SOX5: variants seen among roughly 807,000 people sequenced by gnomAD.
The protein encoded by SOX5 is transcription factor SOX-5.
Under a neutral mutation model 92.0 loss-of-function variants are expected in SOX5, and 9 were observed. The observed-to-expected ratio is 0.10, with a 90% CI of 0.06 to 0.17. The LOEUF (loss-of-function observed/expected upper bound fraction) is 0.17, where lower values mean the gene tolerates loss of function less well. SOX5 is among the 10% of genes least tolerant of loss of function. SOX5 has a pLI of 1.00. For missense variants in SOX5, 642 were observed against 944.5 expected (o/e 0.68, Z 4.20); for synonymous variants, 344 against 336.3 (o/e 1.02, Z -0.25).
chr12:23,977,554 T>A (rs962008786), intron 4 of SOX5, among the ~76,000 whole-genome samples: 3 of 151,880 alleles, frequency 2.0e-5, no homozygotes, highest in Admixed American at 6.6e-5. Flanking sequence ...TCCCAGCTAC[T>A]TGGGAGGCTG....
chr12:24,229,482 G>A (rs564975389), intron 3 of SOX5, among the ~76,000 whole-genome samples: 25 of 152,076 alleles, frequency 1.6e-4, no homozygotes, highest in Non-Finnish European at 8.8e-5. Flanking sequence ...CCATGGTCAG[G>A]AAAAGCAGAG....
intron 1 of SOX5, among the ~76,000 whole-genome samples, chr12:24,546,986 A>G (rs145247308): frequency 1.3e-5 from 2 of 152,216 alleles, no homozygotes; most frequent in African/African-American, 2.4e-5. Context: ...AGTAATCAGT[A>G]TATAATATGC....
intron 3 of SOX5, among the ~76,000 whole-genome samples, chr12:23,828,402 T>A (rs2096265708): frequency 6.6e-6 from 1 of 152,230 alleles, no homozygotes; most frequent in African/African-American, 2.4e-5. Context: ...TCTTTCTATA[T>A]CATTTTTTAA....
chr12:23,682,879 A>C (rs1003666831), intron 6 of SOX5, among the ~76,000 whole-genome samples: 1 of 151,906 alleles, frequency 6.6e-6, no homozygotes, highest in Non-Finnish European at 1.5e-5. Flanking sequence ...AAGCTACTTA[A>C]GTAGTTGAAT....
intron 3 of SOX5, among the ~76,000 whole-genome samples, chr12:23,835,171 G>C (rs2096392497): frequency 1.3e-5 from 2 of 151,832 alleles, no homozygotes; most frequent in African/African-American, 4.8e-5. Context: ...GCAAAATTAA[G>C]ATAGTCGGTT....
chr12:23,916,824 T>A (rs1367908008), intron 1 of SOX5, among the ~76,000 whole-genome samples: 1 of 152,176 alleles, frequency 6.6e-6, no homozygotes, highest in East Asian at 1.9e-4. Flanking sequence ...AAGTCTAGGT[T>A]TTAAATATTT....
Position 23,933,782 on chromosome 12 carries a change from C to T in SOX5, c.38+15782G>A, listed in dbSNP as rs1205606181. ...CCTGAGGAAAATTCTTGCTTTGTCT[C>T]TGTATACTCTTAAACCTGGAGCAAA... is the stretch of plus-strand genomic sequence containing the variant. On this transcript the variant is annotated intron_variant, in intron 1 of 14. Transcript: ENST00000451604. Among the ~76,000 whole-genome samples the T allele has an allele frequency of 2.6e-5, 4 of 151,550 alleles. No individual in the cohort carries two copies. The East Asian group carries it at 7.8e-4, about 29-fold the overall frequency.
intron 1 of SOX5, among the ~76,000 whole-genome samples, chr12:24,455,229 A>C (rs953179268): frequency 1.3e-5 from 2 of 152,234 alleles, no homozygotes; most frequent in Non-Finnish European, 2.9e-5. Context: ...GTAATCAGCT[A>C]ATTAAAAATG....
rs151048842 is a variant in SOX5, at chr12:24,269,385, T to A, written c.-77+7831A>T. Among the ~76,000 whole-genome samples, 591 of 152,316 alleles carry A rather than the reference T, an allele frequency of 3.9e-3. 5 individuals are homozygous for A. The highest frequency in any genetic ancestry group is 0.014 in the African/African-American group (566 of 41,578). The stretch of plus-strand genomic sequence containing the variant: ...GAAAGAGATAAGCAAAACAAAAATA[T>A]ACTGACACCAATGGTATAACTAATC... On this transcript the variant is annotated intron_variant, in intron 3 of 4. Transcript: ENST00000446891.
At chr12:23,829,603 A>G (rs1467783091) in intron 3 of SOX5, among the ~76,000 whole-genome samples, 1 of 152,128 alleles carries the variant, frequency 6.6e-6, no homozygotes, top group Admixed American at 6.6e-5. Flanking sequence ...GAAAGTCTGG[A>G]TATGCTAGTT....
intron 3 of SOX5, among the ~76,000 whole-genome samples, chr12:23,801,423 C>G (rs1479141799): frequency 2.0e-5 from 3 of 152,158 alleles, no homozygotes; most frequent in African/African-American, 4.8e-5. Flanking sequence ...ATGGTAATAA[C>G]TGAACCACAG....
chr12:23,877,079 CCTG>C (rs2096935676), intron 2 of SOX5, among the ~76,000 whole-genome samples: 1 of 152,068 alleles, frequency 6.6e-6, no homozygotes. Flanking sequence ...CACTATGGCA[CCTG>C]TATACCTATG....
intron 1 of SOX5, among the ~76,000 whole-genome samples, chr12:23,944,796 A>C (rs1026630150): frequency 6.6e-6 from 1 of 152,096 alleles, no homozygotes; most frequent in Non-Finnish European, 1.5e-5. Context: ...TAGGAAGGAG[A>C]TATTTCATGG....
At chr12:24,067,555 T>C (rs894305951) in intron 4 of SOX5, among the ~76,000 whole-genome samples, 2 of 152,132 alleles carry the variant, frequency 1.3e-5, no homozygotes, top group Admixed American at 1.3e-4. Flanking sequence ...GTAAAACTCT[T>C]AAAGCAAAAC....
chr12:24,206,492 C>G (rs1350001468), intron 4 of SOX5, among the ~76,000 whole-genome samples: 5 of 152,152 alleles, frequency 3.3e-5, no homozygotes, highest in Non-Finnish European at 7.4e-5. Context: ...ATACTAGTGA[C>G]AGCATTTCAG....
At chr12:24,148,969 A>C (rs1951390528) in intron 4 of SOX5, among the ~76,000 whole-genome samples, 1 of 152,164 alleles carries the variant, frequency 6.6e-6, no homozygotes, top group South Asian at 2.1e-4. Flanking sequence ...GTACAAAACA[A>C]ACTCAGTGGA....
intron 4 of SOX5, among the ~76,000 whole-genome samples, chr12:24,045,965 C>A (rs949226306): frequency 6.6e-6 from 1 of 152,142 alleles, no homozygotes; most frequent in East Asian, 1.9e-4. Context: ...TCAACGGAGG[C>A]TTGTGGTCAT....
intron 4 of SOX5, among the ~76,000 whole-genome samples, chr12:24,060,800 T>C (rs1939532466): frequency 6.6e-6 from 1 of 152,170 alleles, no homozygotes; most frequent in Non-Finnish European, 1.5e-5. Flanking sequence ...TTGGAGCTGC[T>C]TGGGCAGAAA....
intron 4 of SOX5, among the ~76,000 whole-genome samples, chr12:23,969,552 T>C (rs925924448): frequency 6.6e-6 from 1 of 152,246 alleles, no homozygotes; most frequent in Non-Finnish European, 1.5e-5. Context: ...CTAAGGCTTT[T>C]GTCCTCAGCT....
Sources: gnomAD v4.1 joint callset for allele counts (sites outside exome capture counted in the v4.1 genomes callset) on GRCh38, gnomAD v4.1.1 for gene constraint, MANE v1.5 for transcripts, NCBI Gene and HGNC (gene_info 2026-07-23, HGNC 2026-07-21) for gene names.